OR51B5: variants seen among roughly 807,000 people sequenced by gnomAD.
OR51B5 encodes olfactory receptor 51B5.
For synonymous variants in OR51B5, 186 were observed against 144.8 expected (o/e 1.28, Z -2.04); for missense variants, 456 against 374.6 (o/e 1.22, Z -1.79).
At chr11:5,481,646 G>T (rs1171344234) in intron 1 of OR51B5, among the ~76,000 whole-genome samples, 2 of 143,674 alleles carry the variant, frequency 1.4e-5, no homozygotes, top group Admixed American at 1.4e-4. Flanking sequence ...AAGCTGATAA[G>T]CAACTTCAGC....
intron 1 of OR51B5, among the ~76,000 whole-genome samples, chr11:5,358,728 G>A (rs986042670): frequency 1.3e-5 from 2 of 151,934 alleles, no homozygotes; most frequent in Non-Finnish European, 2.9e-5. Context: ...GATGGACATC[G>A]ATGCAAAAAA....
At chr11:5,451,957 A>T (rs971607843) in intron 1 of OR51B5, among the ~76,000 whole-genome samples, 1 of 152,252 alleles carries the variant, frequency 6.6e-6, no homozygotes, top group Non-Finnish European at 1.5e-5. Context: ...GTGACAGAGA[A>T]ATGGCTGTAA....
At chr11:5,498,748 G>C (rs1444072204) in intron 1 of OR51B5, among the ~76,000 whole-genome samples, 1 of 152,138 alleles carries the variant, frequency 6.6e-6, no homozygotes, top group African/African-American at 2.4e-5. Context: ...GCATTCAATA[G>C]AACTTTCGTG....
At chr11:5,474,415 G>A (rs1388743195) in intron 1 of OR51B5, among the ~76,000 whole-genome samples, 3 of 152,104 alleles carry the variant, frequency 2.0e-5, no homozygotes, top group Non-Finnish European at 2.9e-5. Context: ...AATCAAGCAG[G>A]TCTATAGAGA....
chr11:5,454,082 T>TGGACTCTTTGTTCTTGTATCCAC, intron 1 of OR51B5: 2 of 1,614,220 alleles, frequency 1.2e-6, no homozygotes, highest in Non-Finnish European at 1.7e-6. Flanking sequence ...ACAGCATCTA[T>TGGACTCTTTGTTCTTGTATCCAC]GGACTCTTTG....
At position 5,363,237 on chromosome 11, in the gene OR51B5, TCACA is replaced by T. The variant is rs3219794; in HGVS notation, n.85-16331_85-16328del. Among the ~76,000 whole-genome samples, 373 of 143,102 alleles carry T rather than the reference TCACA, an allele frequency of 2.6e-3. 6 individuals are homozygous for T. The highest frequency in any genetic ancestry group is 0.021 in the East Asian group (97 of 4,592). 93.9% of individuals were successfully genotyped at this position (143,102 alleles called of 152,430 possible). A position where few individuals can be genotyped will look rare whatever the true frequency, so the allele number is the denominator to read the frequency against. ...GTTTCCCCACAACGAACCCAACCCC[TCACA>T]CACACACACACACACACACACACAC... On this transcript the variant is annotated intron_variant and non_coding_transcript_variant, in intron 1 of 4. Transcript: ENST00000415970.
rs372998267 is a variant in OR51B5, at chr11:5,441,214, C to T, written n.84+64355G>A. The T allele has an allele frequency of 1.3e-5, 21 of 1,613,786 alleles. No homozygotes were observed. Among genetic ancestry groups the T allele is most frequent in the Non-Finnish European group, 1.7e-5 (20 of 1,179,944 alleles). ...AAAGTGTGGATGAAGAACATCTGGA[C>T]CAGGCAAGCATTAAACGCAACATGG... is the stretch of plus-strand genomic sequence containing the variant. On this transcript the variant is annotated intron_variant and non_coding_transcript_variant, in intron 1 of 4. Transcript: ENST00000415970.
intron 1 of OR51B5, chr11:5,469,057 A>G: frequency 3.7e-6 from 1 of 269,710 alleles, no homozygotes; most frequent in East Asian, 1.1e-4. Flanking sequence ...CATAGTGGTC[A>G]AAACTCATGG....
rs527750957 is a variant in OR51B5 at position 5,367,289 on chromosome 11, T to C, written n.85-20379A>G. Among the ~76,000 whole-genome samples the C allele has an allele frequency of 6.6e-5, 10 of 152,232 alleles. No individual in the cohort carries two copies. In the South Asian group the frequency reaches 2.1e-3, roughly 32 times the overall value. On this transcript the variant is annotated intron_variant and non_coding_transcript_variant, in intron 1 of 4. Coordinates refer to the OR51B5 transcript ENST00000415970. The stretch of plus-strand genomic sequence containing the variant: ...TTGGATTTCGTGCCCAAGAAAGAAT[T>C]TGGGGCAAATCCATACAGAAAAGTG...
At chr11:5,490,775 C>T (rs1010137587) in intron 1 of OR51B5, among the ~76,000 whole-genome samples, 5 of 152,130 alleles carry the variant, frequency 3.3e-5, no homozygotes, top group Admixed American at 6.6e-5. Context: ...CATGGACTTC[C>T]TTATCTACTA....
intron 1 of OR51B5, among the ~76,000 whole-genome samples, chr11:5,397,270 C>T (rs181446877): frequency 0.033 from 4,962 of 152,076 alleles, 277 homozygotes; most frequent in African/African-American, 0.11. Flanking sequence ...AACAGGCAAC[C>T]TACACAATGG....
At chr11:5,448,425 A>T (rs533549992) in intron 1 of OR51B5, among the ~76,000 whole-genome samples, 3 of 152,326 alleles carry the variant, frequency 2.0e-5, no homozygotes, top group African/African-American at 7.2e-5. Flanking sequence ...ATTTGTTGTA[A>T]AAGCCTGACC....
chr11:5,341,187 G>T (rs1282483839), downstream of OR51B5: 1 of 152,148 alleles, frequency 6.6e-6, no homozygotes. Flanking sequence ...ATGCTCTCAG[G>T]AGACAGGGAG....
intron 1 of OR51B5, among the ~76,000 whole-genome samples, chr11:5,360,060 A>T (rs1352677549): frequency 6.6e-6 from 1 of 152,142 alleles, no homozygotes; most frequent in East Asian, 1.9e-4. Context: ...AACCTAGGCA[A>T]TACCATTCAG....
intron 1 of OR51B5, among the ~76,000 whole-genome samples, chr11:5,426,313 C>CA (rs1302364946): frequency 6.6e-6 from 1 of 151,960 alleles, no homozygotes; most frequent in East Asian, 1.9e-4. Flanking sequence ...ATGCACTTAC[C>CA]AAAATCTATG....
intron 1 of OR51B5, among the ~76,000 whole-genome samples, chr11:5,474,947 T>C (rs1407582421): frequency 1.3e-5 from 2 of 152,148 alleles, no homozygotes; most frequent in African/African-American, 4.8e-5. Context: ...GGAAAATTAG[T>C]TTAATTGAGA....
intron 1 of OR51B5, among the ~76,000 whole-genome samples, chr11:5,417,018 C>T (rs1400724691): frequency 7.4e-5 from 11 of 147,744 alleles, no homozygotes; most frequent in Admixed American, 4.1e-4. Context: ...CACTACCTGA[C>T]TTCAAACTAT....
At chr11:5,390,105 CAGTAGCAGG>C (rs1849770938) in intron 1 of OR51B5, 3 of 1,613,802 alleles carry the variant, frequency 1.9e-6, no homozygotes, top group Non-Finnish European at 1.7e-6. Context: ...ATCCTGCACA[CAGTAGCAGG>C]CCTGGCCTCC....
chr11:5,393,583 T>A (rs1485837650), intron 1 of OR51B5, among the ~76,000 whole-genome samples: 1 of 152,220 alleles, frequency 6.6e-6, no homozygotes, highest in Non-Finnish European at 1.5e-5. Flanking sequence ...AAAAGTTATA[T>A]ACGATTATGC....
Sources: allele counts gnomAD v4.1 joint callset (sites outside exome capture counted in the v4.1 genomes callset), GRCh38; gene constraint gnomAD v4.1.1; transcripts MANE v1.5; gene names NCBI Gene and HGNC (gene_info 2026-07-23, HGNC 2026-07-21).